The following IFT25 variants were observed in gnomAD, a reference collection of about 807,000 sequenced individuals.
The protein encoded by IFT25 is intraflagellar transport protein 25 homolog.
chr1:53,944,060 T>C, the IFT25 span, among the ~76,000 whole-genome samples: 1 of 152,202 alleles, frequency 6.6e-6, no homozygotes, highest in Non-Finnish European at 1.5e-5. Flanking sequence ...AACACATGCT[T>C]TAATACAAAA....
At chr1:53,943,100 G>A in the IFT25 span, among the ~76,000 whole-genome samples, 55 of 152,256 alleles carry the variant, frequency 3.6e-4, no homozygotes, top group African/African-American at 1.3e-3. Context: ...CTCCTGGGGC[G>A]TGAACTGGAC....
the IFT25 span, chr1:53,928,668 G>A: frequency 2.3e-6 from 1 of 431,858 alleles, no homozygotes; most frequent in Non-Finnish European, 4.1e-6. Flanking sequence ...CACAGAGCAA[G>A]TAGAGCTTTT....
chr1:53,920,818 C>A, the IFT25 span, among the ~76,000 whole-genome samples: 15 of 151,586 alleles, frequency 9.9e-5, no homozygotes, highest in African/African-American at 3.2e-4. Flanking sequence ...ATCTCAAAAA[C>A]AACAACAAAA....
chr1:53,942,894 T>C, the IFT25 span, among the ~76,000 whole-genome samples: 2 of 152,220 alleles, frequency 1.3e-5, no homozygotes, highest in Non-Finnish European at 2.9e-5. Context: ...TCCAGAATAC[T>C]GTGTTCAGTT....
chr1:53,932,494 T>C, the IFT25 span, among the ~76,000 whole-genome samples: 381 of 152,320 alleles, frequency 2.5e-3, no homozygotes, highest in Middle Eastern at 6.8e-3. Flanking sequence ...TCAGAGAACA[T>C]ACTATCTAAG....
At chr1:53,916,643 AT>A in the IFT25 span, 9 of 294,562 alleles carry the variant, frequency 3.1e-5, no homozygotes, top group East Asian at 4.6e-4. Flanking sequence ...AAAACCTTAA[AT>A]GGTTCCAGTG....
the IFT25 span, among the ~76,000 whole-genome samples, chr1:53,915,909 G>A: frequency 6.6e-6 from 1 of 152,248 alleles, no homozygotes; most frequent in African/African-American, 2.4e-5. Flanking sequence ...GAGGGGCTGA[G>A]AGCAGTGGCT....
the IFT25 span, chr1:53,940,033 A>G: frequency 1.2e-6 from 2 of 1,611,900 alleles, no homozygotes; most frequent in Non-Finnish European, 1.7e-6. Context: ...TGATGTAGCT[A>G]AAATCACTTC....
the IFT25 span, among the ~76,000 whole-genome samples, chr1:53,920,369 AT>A: frequency 6.9e-6 from 1 of 145,338 alleles, no homozygotes; most frequent in African/African-American, 2.5e-5. Flanking sequence ...CAACTGTAAA[AT>A]TTTTTTTCCT....
chr1:53,921,693 G>A, the IFT25 span: 107 of 1,613,004 alleles, frequency 6.6e-5, no homozygotes, highest in East Asian at 2.1e-3. Flanking sequence ...CTGCAGAAAC[G>A]CTATGCACAG....
At chr1:53,934,751 C>G in the IFT25 span, among the ~76,000 whole-genome samples, 1 of 152,210 alleles carries the variant, frequency 6.6e-6, no homozygotes, top group Non-Finnish European at 1.5e-5. Flanking sequence ...GTAATCCAAG[C>G]ACTCTGGGAG....
At chr1:53,937,244 G>C in the IFT25 span, among the ~76,000 whole-genome samples, 1 of 152,134 alleles carries the variant, frequency 6.6e-6, no homozygotes, top group African/African-American at 2.4e-5. Context: ...AGCCTCCCGA[G>C]GAGCTGGGAC....
At chr1:53,942,297 AT>A in the IFT25 span, among the ~76,000 whole-genome samples, 2 of 152,228 alleles carry the variant, frequency 1.3e-5, no homozygotes, top group African/African-American at 4.8e-5. Context: ...TGTGAGCCAT[AT>A]CTAGCCTGCC....
the IFT25 span, among the ~76,000 whole-genome samples, chr1:53,935,034 G>A: frequency 1.3e-5 from 2 of 152,192 alleles, no homozygotes; most frequent in East Asian, 1.9e-4. Flanking sequence ...AACCAGTCAC[G>A]GCTGGGGGTT....
At chr1:53,928,525 A>C in the IFT25 span, 3 of 951,956 alleles carry the variant, frequency 3.2e-6, no homozygotes, top group Non-Finnish European at 3.4e-6. Context: ...GCCTGAGATT[A>C]TCATGCACAG....
chr1:53,937,400 G>A, the IFT25 span, among the ~76,000 whole-genome samples: 1 of 152,144 alleles, frequency 6.6e-6, no homozygotes, highest in Non-Finnish European at 1.5e-5. Context: ...ATTAAGACAT[G>A]AGCCACCGCG....
chr1:53,933,137 T>C, the IFT25 span, among the ~76,000 whole-genome samples: 1 of 131,754 alleles, frequency 7.6e-6, no homozygotes, highest in Admixed American at 7.1e-5. Flanking sequence ...CTTTTTCTCT[T>C]TTTTTTTTTT....
At chr1:53,927,258 A>ATT in the IFT25 span, among the ~76,000 whole-genome samples, 1 of 152,230 alleles carries the variant, frequency 6.6e-6, no homozygotes, top group African/African-American at 2.4e-5. Context: ...CTGGACTTAA[A>ATT]TAAGGTGACC....
the IFT25 span, chr1:53,930,079 T>C: frequency 8.2e-6 from 13 of 1,577,696 alleles, no homozygotes; most frequent in East Asian, 3.0e-4. Context: ...TCCTTACATG[T>C]TTGTGGAAAC....
Sources: allele counts gnomAD v4.1 joint callset (sites outside exome capture counted in the v4.1 genomes callset), GRCh38; gene constraint gnomAD v4.1.1; transcripts MANE v1.5; gene names NCBI Gene and HGNC (gene_info 2026-07-23, HGNC 2026-07-21).